The following JMJD1C variants were observed in gnomAD, a reference collection of about 807,000 sequenced individuals.
The protein encoded by JMJD1C is jumonji domain containing 1C.
JMJD1C carries 31 observed loss-of-function variants against 245.3 expected under a neutral mutation model. The observed-to-expected ratio is 0.13, with a 90% confidence interval of 0.09 to 0.17. JMJD1C has a LOEUF of 0.17. Among genes scored for constraint, JMJD1C ranks in the 10% least tolerant of loss-of-function variants. JMJD1C has a pLI of 1.00. For synonymous variants in JMJD1C, 1,057 were observed against 1,017.4 expected (o/e 1.04, Z -0.74); for missense variants, 2,691 against 3,000.2 (o/e 0.90, Z 2.41).
chr10:63,476,790 C>A (rs1953674854), intron 1 of JMJD1C, among the ~76,000 whole-genome samples: 2 of 151,860 alleles, frequency 1.3e-5, no homozygotes, highest in Admixed American at 1.3e-4. Flanking sequence ...AAAGACCAGG[C>A]ATGGTGGCTC....
At chr10:63,404,120 A>G (rs1414526102) in intron 1 of JMJD1C, among the ~76,000 whole-genome samples, 1 of 152,158 alleles carries the variant, frequency 6.6e-6, no homozygotes, top group Non-Finnish European at 1.5e-5. Flanking sequence ...ATCTCAAAAA[A>G]AAAAAGTGAA....
chr10:63,260,813 G>A (rs1001435078), intron 3 of JMJD1C, among the ~76,000 whole-genome samples: 1 of 151,850 alleles, frequency 6.6e-6, no homozygotes, highest in Non-Finnish European at 1.5e-5. Flanking sequence ...GGGTGGTCTC[G>A]AACTCCTGAC....
Position 63,489,039 on chromosome 10 carries a change from C to T in JMJD1C, n.113+32699G>A, listed in dbSNP as rs140959615. Reference sequence around the variant, plus strand: ...TAGCTGGCATTACATCCTAGCAAAACACATTACTCATATGTTTGTGGTGGT... The same window carrying T: ...TAGCTGGCATTACATCCTAGCAAAATACATTACTCATATGTTTGTGGTGGT... On this transcript the variant is annotated intron_variant and non_coding_transcript_variant, in intron 1 of 3. Transcript: ENST00000633035. Among the ~76,000 whole-genome samples, 714 of 152,322 alleles carry T rather than the reference C, an allele frequency of 4.7e-3. 5 individuals carry two copies. The highest frequency in any genetic ancestry group is 0.014 in the Middle Eastern group (4 of 294).
chr10:63,294,384 A>C (rs889797154), intron 2 of JMJD1C, among the ~76,000 whole-genome samples: 8 of 151,884 alleles, frequency 5.3e-5, no homozygotes, highest in Non-Finnish European at 7.4e-5. Flanking sequence ...TCCAGGGTTC[A>C]AGCAAATTCT....
chr10:63,193,159 G>C lies in JMJD1C; in HGVS notation c.5863-8C>G. On this transcript the variant is annotated splice_polypyrimidine_tract_variant and splice_region_variant and intron_variant, in intron 15 of 25. Coordinates refer to ENST00000399262, the MANE Select transcript of JMJD1C (RefSeq NM_032776.3). The stretch of plus-strand genomic sequence containing the variant: ...AAGAACATTCTGTAAAACCTACAAA[G>C]GTAGAACAATTACATTTTTAAACAC... The C allele has an allele frequency of 1.2e-6, 2 of 1,600,048 alleles. No homozygotes were observed. The highest frequency in any genetic ancestry group is 1.7e-6 in the Non-Finnish European group (2 of 1,169,028).
At chr10:63,389,755 C>T (rs1370395395) in intron 1 of JMJD1C, among the ~76,000 whole-genome samples, 1 of 151,848 alleles carries the variant, frequency 6.6e-6, no homozygotes, top group Non-Finnish European at 1.5e-5. Context: ...GGGAAGTGTA[C>T]GAATACATGG....
intron 1 of JMJD1C, among the ~76,000 whole-genome samples, chr10:63,451,012 A>G (rs1308174272): frequency 6.6e-6 from 1 of 152,200 alleles, no homozygotes; most frequent in African/African-American, 2.4e-5. Flanking sequence ...GTTTCTATAA[A>G]TCAACAATGG....
At chr10:63,373,459 T>C (rs1322271331) in intron 2 of JMJD1C, among the ~76,000 whole-genome samples, 3 of 152,236 alleles carry the variant, frequency 2.0e-5, no homozygotes, top group Non-Finnish European at 4.4e-5. Flanking sequence ...TGTCTTGTCA[T>C]GATCTCAAGA....
chr10:63,435,293 C>G (rs1950999434), intron 1 of JMJD1C, among the ~76,000 whole-genome samples: 2 of 152,096 alleles, frequency 1.3e-5, no homozygotes, highest in African/African-American at 2.4e-5. Flanking sequence ...CCTGCTTGAA[C>G]AATTTCTAGC....
chr10:63,413,293 C>T (rs1264154914), intron 1 of JMJD1C, among the ~76,000 whole-genome samples: 1 of 152,132 alleles, frequency 6.6e-6, no homozygotes, highest in Non-Finnish European at 1.5e-5. Context: ...ACCTGGTCTG[C>T]TGTTGAGTAT....
At chr10:63,202,377 T>C (rs1846122561) in intron 10 of JMJD1C, 3 of 985,216 alleles carry the variant, frequency 3.0e-6, no homozygotes, top group Non-Finnish European at 3.6e-6. Context: ...TTTACATAGT[T>C]TGCTATTTCT....
intron 1 of JMJD1C, among the ~76,000 whole-genome samples, chr10:63,406,706 A>T (rs1273809892): frequency 1.3e-5 from 2 of 152,172 alleles, no homozygotes; most frequent in Admixed American, 1.3e-4. Flanking sequence ...ATAAAAACTC[A>T]ATAATACAGC....
intron 5 of JMJD1C, 73 bp from the exon 6 acceptor site, chr10:63,215,769 A>G (rs955180996): frequency 3.8e-6 from 4 of 1,061,790 alleles, no homozygotes; most frequent in Non-Finnish European, 5.2e-6. Context: ...TAATTTCTTT[A>G]CTCAGTAGAA....
chr10:63,317,132 A>C (rs1436590749), intron 2 of JMJD1C, among the ~76,000 whole-genome samples: 1 of 151,366 alleles, frequency 6.6e-6, no homozygotes, highest in Non-Finnish European at 1.5e-5. Context: ...AAGTGCTGGG[A>C]TTACAGGCAT....
intron 24 of JMJD1C, among the ~76,000 whole-genome samples, chr10:63,170,140 T>A (rs1313884386): frequency 2.0e-5 from 3 of 152,202 alleles, no homozygotes; most frequent in Admixed American, 6.6e-5. Context: ...GTTCTTTTTT[T>A]ATATAATTTA....
chr10:63,405,321 T>G (rs1405731426), intron 1 of JMJD1C, among the ~76,000 whole-genome samples: 1 of 130,384 alleles, frequency 7.7e-6, no homozygotes, highest in Non-Finnish European at 1.7e-5. Context: ...TGTAGATTTT[T>G]TTTTTTTTTT....
At chr10:63,486,103 G>A (rs967275840) in intron 1 of JMJD1C, among the ~76,000 whole-genome samples, 36 of 133,794 alleles carry the variant, frequency 2.7e-4, no homozygotes, top group Non-Finnish European at 6.2e-5. Flanking sequence ...CCAAAGACGT[G>A]GAGAAGGGGA....
intron 22 of JMJD1C, among the ~76,000 whole-genome samples, chr10:63,178,846 G>A (rs1437987608): frequency 6.6e-6 from 1 of 152,074 alleles, no homozygotes; most frequent in African/African-American, 2.4e-5. Context: ...ACCACAGGAA[G>A]GTCCTTTTTT....
In JMJD1C at chr10:63,363,949, G is replaced by A. The variant is rs560381023; in HGVS notation, c.333+16369C>T. ...CAGCTCACTACAGCCTCCACCTCCC[G>A]GGTACAAGCAATTCTCTTGCCTCAG... On this transcript the variant is annotated intron_variant, in intron 2 of 25. Coordinates refer to ENST00000399262, the MANE Select transcript of JMJD1C (RefSeq NM_032776.3). 6.0e-5 allele frequency among the ~76,000 whole-genome samples: 9 copies of A among 149,760 alleles called. No individual in the cohort carries two copies. In the East Asian group the frequency reaches 1.2e-3, roughly 20 times the overall value.
Sources: allele counts gnomAD v4.1 joint callset (sites outside exome capture counted in the v4.1 genomes callset), GRCh38; gene constraint gnomAD v4.1.1; transcripts MANE v1.5; gene names NCBI Gene and HGNC (gene_info 2026-07-23, HGNC 2026-07-21).